Variants in MECOM observed in about 807,000 individuals in gnomAD.
The protein encoded by MECOM is MDS1 and EVI1 complex locus, also known as histone-lysine N-methyltransferase MECOM.
In MECOM, 13 loss-of-function variants were observed where a neutral mutation model predicts 116.3. That is an observed-to-expected ratio of 0.11 (90% CI 0.07 to 0.18). The LOEUF is 0.18. Ranked by LOEUF, MECOM falls within the 10% of genes least tolerant of loss-of-function variation. MECOM has a pLI of 1.00. For missense variants in MECOM, 1,299 were observed against 1,509.0 expected, an observed-to-expected ratio of 0.86 and a Z score of 2.31; for synonymous variants, 528 against 535.2, an observed-to-expected ratio of 0.99 and a Z score of 0.19.
At chr3:169,244,560 G>A (rs1755334186) in intron 2 of MECOM, among the ~76,000 whole-genome samples, 1 of 152,124 alleles carries the variant, frequency 6.6e-6, no homozygotes, top group South Asian at 2.1e-4. Flanking sequence ...CAAGCTGTGG[G>A]GATTCGGTCC....
At chr3:169,205,281 G>T (rs1749767451) in intron 2 of MECOM, among the ~76,000 whole-genome samples, 1 of 152,232 alleles carries the variant, frequency 6.6e-6, no homozygotes, top group Non-Finnish European at 1.5e-5. Context: ...GTGGGTTCCT[G>T]TTTAATATAC....
intron 2 of MECOM, among the ~76,000 whole-genome samples, chr3:169,283,965 A>G (rs1229081306): frequency 6.6e-6 from 1 of 152,238 alleles, no homozygotes; most frequent in Non-Finnish European, 1.5e-5. Flanking sequence ...GTTTTGGTGT[A>G]ATAAACTTAT....
intron 2 of MECOM, among the ~76,000 whole-genome samples, chr3:169,313,343 G>A (rs10936578): frequency 0.14 from 21,306 of 152,194 alleles, 2,157 homozygotes; most frequent in East Asian, 0.38. Context: ...TAATGCAATA[G>A]CTGGAGTGGT....
chr3:169,416,330 A>G (rs1015334590), intron 1 of MECOM, among the ~76,000 whole-genome samples: 2 of 152,144 alleles, frequency 1.3e-5, no homozygotes, highest in Admixed American at 6.5e-5. Context: ...AAACCAATGA[A>G]AACAAAGACA....
At chr3:169,372,337 C>T (rs1355521242) in intron 2 of MECOM, among the ~76,000 whole-genome samples, 4 of 151,960 alleles carry the variant, frequency 2.6e-5, no homozygotes, top group African/African-American at 7.2e-5. Flanking sequence ...TAATAAAGAT[C>T]AGCAAAGAAA....
intron 1 of MECOM, among the ~76,000 whole-genome samples, chr3:169,604,673 C>T (rs1033123941): frequency 5.3e-5 from 8 of 152,164 alleles, no homozygotes; most frequent in African/African-American, 1.9e-4. Context: ...CCCAGGGCTA[C>T]CAAGAGGCAG....
At chr3:169,551,308 A>G (rs1761374677) in intron 1 of MECOM, among the ~76,000 whole-genome samples, 1 of 152,094 alleles carries the variant, frequency 6.6e-6, no homozygotes, top group South Asian at 2.1e-4. Context: ...TCTTTCCTAA[A>G]TGTCCAGTGG....
chr3:169,276,716 C>T (rs1759630786), intron 2 of MECOM, among the ~76,000 whole-genome samples: 1 of 152,090 alleles, frequency 6.6e-6, no homozygotes, highest in Admixed American at 6.5e-5. Flanking sequence ...TCACCCTTAT[C>T]CAAGAAGGTA....
chr3:169,097,378 T>TGC (rs1460914629), intron 12 of MECOM, among the ~76,000 whole-genome samples: 6 of 152,116 alleles, frequency 3.9e-5, no homozygotes, highest in Non-Finnish European at 8.8e-5. Flanking sequence ...CACTTCCTTC[T>TGC]ACACAATTCC....
In MECOM at chr3:169,256,305, C is replaced by T. The variant is rs144259976; in HGVS notation, c.376-112473G>A. 1.4e-3 allele frequency among the ~76,000 whole-genome samples: 216 copies of T among 149,678 alleles called. 1 individual carries two copies. Among genetic ancestry groups the T allele is most frequent in the African/African-American group, 5.0e-3 (201 of 40,572 alleles). On this transcript the variant is annotated intron_variant, in intron 2 of 16. Coordinates refer to ENST00000651503, the MANE Select transcript of MECOM (RefSeq NM_004991.4). Reference sequence around the variant, plus strand: ...GATAACCACTAGGGTGCTACTGTGACGTAAAGGATATATTACCATTTTTTC... The same window carrying T: ...GATAACCACTAGGGTGCTACTGTGATGTAAAGGATATATTACCATTTTTTC...
intron 1 of MECOM, among the ~76,000 whole-genome samples, chr3:169,493,131 G>C (rs1753310578): frequency 6.6e-6 from 1 of 151,954 alleles, no homozygotes; most frequent in South Asian, 2.1e-4. Context: ...CATTTTTCTT[G>C]AGCCTCCAGC....
chr3:169,374,063 G>C (rs752941324), intron 2 of MECOM, among the ~76,000 whole-genome samples: 1 of 151,866 alleles, frequency 6.6e-6, no homozygotes, highest in Non-Finnish European at 1.5e-5. Context: ...GTTCACAAGA[G>C]AGGGTCACCA....
intron 2 of MECOM, among the ~76,000 whole-genome samples, chr3:169,190,804 G>A (rs1351409617): frequency 6.6e-6 from 1 of 152,096 alleles, no homozygotes; most frequent in East Asian, 1.9e-4. Flanking sequence ...AAGCAGCCCA[G>A]GTCCCCAGTC....
chr3:169,401,486 T>C (rs552036220), intron 1 of MECOM, among the ~76,000 whole-genome samples: 28 of 152,356 alleles, frequency 1.8e-4, no homozygotes, highest in African/African-American at 6.7e-4. Context: ...GCCTCATTCT[T>C]GGCTTCACAG....
chr3:169,112,134 C>T (rs1727609118), intron 9 of MECOM, among the ~76,000 whole-genome samples: 1 of 151,928 alleles, frequency 6.6e-6, no homozygotes, highest in Non-Finnish European at 1.5e-5. Context: ...ATATGTAAAC[C>T]TGTTTTTTAA....
chr3:169,420,016 C>G (rs1211919986), intron 1 of MECOM, among the ~76,000 whole-genome samples: 1 of 152,148 alleles, frequency 6.6e-6, no homozygotes, highest in Non-Finnish European at 1.5e-5. Context: ...AAAAGCTCAT[C>G]ATCACTGGTC....
At chr3:169,409,058 G>A (rs1201957069) in intron 1 of MECOM, among the ~76,000 whole-genome samples, 2 of 152,122 alleles carry the variant, frequency 1.3e-5, no homozygotes, top group Non-Finnish European at 2.9e-5. Flanking sequence ...GGGGGAAATT[G>A]GCCTAGGTTA....
At chr3:169,324,138 G>A (rs1721406218) in intron 2 of MECOM, among the ~76,000 whole-genome samples, 1 of 152,168 alleles carries the variant, frequency 6.6e-6, no homozygotes, top group African/African-American at 2.4e-5. Flanking sequence ...GGGTGGAGAG[G>A]AAAGAGTGAG....
At chr3:169,344,888 AG>A (rs1725090397) in intron 2 of MECOM, among the ~76,000 whole-genome samples, 1 of 152,170 alleles carries the variant, frequency 6.6e-6, no homozygotes, top group African/African-American at 2.4e-5. Flanking sequence ...GAAGAGGAAG[AG>A]GTAAGAGACA....
Sources: allele counts gnomAD v4.1 joint callset (sites outside exome capture counted in the v4.1 genomes callset), GRCh38; gene constraint gnomAD v4.1.1; transcripts MANE v1.5; gene names NCBI Gene and HGNC (gene_info 2026-07-23, HGNC 2026-07-21).